RTN4RL1: variants seen among roughly 807,000 people sequenced by gnomAD.
RTN4RL1 encodes reticulon 4 receptor like 1, also known as reticulon-4 receptor-like 1.
In RTN4RL1, 7 loss-of-function variants were observed where a neutral mutation model predicts 25.6. That is an observed-to-expected ratio of 0.27 (90% CI 0.16 to 0.51). RTN4RL1 has a LOEUF of 0.51. RTN4RL1 is among the 20% of genes least tolerant of loss of function. RTN4RL1 has a pLI of 0.97. For synonymous variants in RTN4RL1, 297 were observed against 288.2 expected (o/e 1.03, Z -0.31); for missense variants, 500 against 615.6 (o/e 0.81, Z 1.99).
chr17:2,018,528 G>A (rs1040476619), intron 1 of RTN4RL1, among the ~76,000 whole-genome samples: 1 of 152,218 alleles, frequency 6.6e-6, no homozygotes, highest in Non-Finnish European at 1.5e-5. Flanking sequence ...TCTGCGAGAA[G>A]CCAGAAATGA....
At chr17:1,961,385 C>A (rs534947383) in intron 1 of RTN4RL1, among the ~76,000 whole-genome samples, 1 of 152,090 alleles carries the variant, frequency 6.6e-6, no homozygotes, top group Non-Finnish European at 1.5e-5. Context: ...CCTGGAGGCG[C>A]GAGAGAGGGA....
chr17:1,977,817 C>T (rs1195662428), intron 1 of RTN4RL1, among the ~76,000 whole-genome samples: 2 of 152,108 alleles, frequency 1.3e-5, no homozygotes, highest in African/African-American at 4.8e-5. Flanking sequence ...GCGAGCGGCG[C>T]TCCCGGGAGC....
At chr17:1,947,464 C>T (rs964416945) in intron 1 of RTN4RL1, among the ~76,000 whole-genome samples, 1 of 146,930 alleles carries the variant, frequency 6.8e-6, no homozygotes, top group East Asian at 2.0e-4. Flanking sequence ...GGTCTTATCT[C>T]GGCACTGGCT....
chr17:1,955,830 C>T (rs939714207), intron 1 of RTN4RL1, among the ~76,000 whole-genome samples: 4 of 151,530 alleles, frequency 2.6e-5, no homozygotes, highest in Non-Finnish European at 5.9e-5. Flanking sequence ...GTGATCCGCC[C>T]GCCTCAGCCT....
rs1312892055 is a variant in RTN4RL1 at position 1,998,745 on chromosome 17, GA to G, written c.13+26107del. Among the ~76,000 whole-genome samples the G allele has an allele frequency of 6.6e-6, 1 of 151,086 alleles. No individual in the cohort carries two copies. The highest frequency in any genetic ancestry group is 1.5e-5 in the Non-Finnish European group (1 of 67,622). On this transcript the variant is annotated intron_variant, in intron 1 of 1. Coordinates refer to ENST00000331238, the MANE Select transcript of RTN4RL1 (RefSeq NM_178568.4). This position sits in a 1 kb window ranked among gnomAD's most constrained non-coding sequence, Gnocchi z 4.9. ...TCACGGGCCTCGCAGCACAGACGGG[GA>G]CAGGGGCGGCCTCGCGCGCACGGGG...
chr17:1,972,977 G>C (rs996109041), intron 1 of RTN4RL1, among the ~76,000 whole-genome samples: 1 of 152,210 alleles, frequency 6.6e-6, no homozygotes, highest in Non-Finnish European at 1.5e-5. Flanking sequence ...CTCCAGCGGG[G>C]ATATCAGGTG....
intron 1 of RTN4RL1, among the ~76,000 whole-genome samples, chr17:2,002,056 G>C (rs1373697504): frequency 1.3e-5 from 2 of 151,764 alleles, no homozygotes; most frequent in Admixed American, 6.6e-5. Flanking sequence ...AGAGACGCAG[G>C]GAGCTGACAA....
chr17:1,984,071 G>A (rs1452597353), intron 1 of RTN4RL1, among the ~76,000 whole-genome samples: 1 of 152,208 alleles, frequency 6.6e-6, no homozygotes, highest in African/African-American at 2.4e-5. Context: ...TGGGCAGGGC[G>A]GGCAGCACCT....
At chr17:1,975,609 C>G (rs1027225251) in intron 1 of RTN4RL1, among the ~76,000 whole-genome samples, 2 of 151,982 alleles carry the variant, frequency 1.3e-5, no homozygotes, top group Non-Finnish European at 2.9e-5. Flanking sequence ...TGAGATTGCG[C>G]CACTGCACTC....
chr17:1,960,950 T>A (rs7207780), intron 1 of RTN4RL1, among the ~76,000 whole-genome samples: 1 of 152,042 alleles, frequency 6.6e-6, no homozygotes, highest in Admixed American at 6.5e-5. Context: ...CCTCTGCTCC[T>A]GGCCACTCTC....
At chr17:2,012,488 G>A (rs530960836) in intron 1 of RTN4RL1, among the ~76,000 whole-genome samples, 4 of 152,306 alleles carry the variant, frequency 2.6e-5, no homozygotes, top group African/African-American at 9.6e-5. Flanking sequence ...GGAAAAGTGC[G>A]TGGTGTAGGA....
chr17:1,963,671 G>T (rs1250316043), intron 1 of RTN4RL1, among the ~76,000 whole-genome samples: 1 of 152,214 alleles, frequency 6.6e-6, no homozygotes, highest in Non-Finnish European at 1.5e-5. Context: ...AGGCAAACCA[G>T]GCTCTTGGCC....
chr17:2,024,871 C>A lies in RTN4RL1; in HGVS notation c.-6G>T. On this transcript the variant is annotated 5_prime_UTR_variant, in exon 1 of 2. Transcript: ENST00000331238. ...AACTCACCTTTGCGAAGCATGTTGGCCACGGGGCCGCCGCTCCGAGGTCGG... is the reference window on the plus strand; with the variant it reads ...AACTCACCTTTGCGAAGCATGTTGGACACGGGGCCGCCGCTCCGAGGTCGG... The A allele has an allele frequency of 6.3e-7, 1 of 1,583,656 alleles. No homozygotes were observed. Among genetic ancestry groups the A allele is most frequent in the Non-Finnish European group, 8.6e-7 (1 of 1,166,062 alleles).
intron 1 of RTN4RL1, among the ~76,000 whole-genome samples, chr17:2,004,367 C>CAAAAAAAAAAAAAAAAAAAA (rs58690992): frequency 2.7e-5 from 1 of 36,558 alleles, no homozygotes; most frequent in Non-Finnish European, 5.8e-5. Flanking sequence ...GACTCTGTCT[C>CAAAAAAAAAAAAAAAAAAAA]AAAAAAAAAA....
intron 1 of RTN4RL1, among the ~76,000 whole-genome samples, chr17:1,984,067 G>C (rs1268203616): frequency 6.6e-6 from 1 of 152,244 alleles, no homozygotes; most frequent in Non-Finnish European, 1.5e-5. Context: ...CAGGTGGGCA[G>C]GGCGGGCAGC....
At chr17:2,004,450 G>A (rs911388816) in intron 1 of RTN4RL1, among the ~76,000 whole-genome samples, 5 of 151,900 alleles carry the variant, frequency 3.3e-5, no homozygotes, top group Non-Finnish European at 7.4e-5. Context: ...AGAGGCACTG[G>A]GCTGAGGCGG....
At chr17:1,992,358 C>CAAAAAAA (rs1021180493) in intron 1 of RTN4RL1, among the ~76,000 whole-genome samples, 10 of 53,056 alleles carry the variant, frequency 1.9e-4, no homozygotes, top group Admixed American at 3.6e-4. Flanking sequence ...GACTCTGTCT[C>CAAAAAAA]AAAAAAAAAA....
At chr17:1,980,736 T>C (rs1206537170) in intron 1 of RTN4RL1, among the ~76,000 whole-genome samples, 1 of 151,686 alleles carries the variant, frequency 6.6e-6, no homozygotes, top group Non-Finnish European at 1.5e-5. Flanking sequence ...AAGACCAGCC[T>C]GGCCAACATG....
At chr17:1,988,041 G>A (rs527457382) in intron 1 of RTN4RL1, among the ~76,000 whole-genome samples, 11 of 152,094 alleles carry the variant, frequency 7.2e-5, no homozygotes, top group Non-Finnish European at 1.2e-4. Context: ...AGGAAGTGGA[G>A]GTTGCAGTGA....
Sources: gnomAD v4.1 joint callset for allele counts (sites outside exome capture counted in the v4.1 genomes callset) on GRCh38, gnomAD v4.1.1 for gene constraint, Gnocchi (gnomAD v3.1) non-coding constraint, MANE v1.5 for transcripts, NCBI Gene and HGNC (gene_info 2026-07-23, HGNC 2026-07-21) for gene names.